Variants in WSCD1 observed in about 807,000 individuals in gnomAD.
WSCD1 encodes the protein sialate:O-sulfotransferase 1.
Under a neutral mutation model 60.4 loss-of-function variants are expected in WSCD1, and 41 were observed. That is an observed-to-expected ratio of 0.68 (90% CI 0.53 to 0.88). The LOEUF is 0.88. Ranked by LOEUF, WSCD1 falls within the 40% of genes least tolerant of loss-of-function variation. The pLI is 0.00. For missense variants in WSCD1, 784 were observed against 796.2 expected (o/e 0.98, Z 0.18); for synonymous variants, 361 against 332.5 (o/e 1.09, Z -0.93).
intron 7 of WSCD1, among the ~76,000 whole-genome samples, chr17:6,114,662 A>ATATATT (rs1247344397): frequency 6.6e-6 from 1 of 151,806 alleles, no homozygotes; most frequent in Non-Finnish European, 1.5e-5. Context: ...ATAATAATAA[A>ATATATT]TATATTTATA....
At chr17:6,108,538 A>T (rs1911231588) in intron 5 of WSCD1, among the ~76,000 whole-genome samples, 1 of 152,154 alleles carries the variant, frequency 6.6e-6, no homozygotes, top group South Asian at 2.1e-4. Flanking sequence ...TGAGCAAGAC[A>T]CAGCTGATGC....
At chr17:6,071,831 GTCTC>G (rs774560025) in intron 1 of WSCD1, among the ~76,000 whole-genome samples, 23 of 152,178 alleles carry the variant, frequency 1.5e-4, no homozygotes, top group Non-Finnish European at 2.8e-4. Flanking sequence ...AATGAGGTTT[GTCTC>G]TCTCAATCAT....
chr17:6,074,979 C>A (rs527481798), intron 1 of WSCD1, among the ~76,000 whole-genome samples: 1 of 152,246 alleles, frequency 6.6e-6, no homozygotes, highest in East Asian at 1.9e-4. Context: ...GGAGGGGAAT[C>A]CAGGAGCTGT....
intron 5 of WSCD1, among the ~76,000 whole-genome samples, chr17:6,104,179 G>T (rs1350216969): frequency 6.6e-6 from 1 of 152,138 alleles, no homozygotes; most frequent in Non-Finnish European, 1.5e-5. Flanking sequence ...TAAACAACCA[G>T]CTGTCCGTGA....
intron 5 of WSCD1, among the ~76,000 whole-genome samples, chr17:6,097,084 G>C (rs1453791973): frequency 6.6e-6 from 1 of 152,238 alleles, no homozygotes; most frequent in Non-Finnish European, 1.5e-5. Flanking sequence ...TCCTGCTCCT[G>C]ATGCCACACA....
At chr17:6,120,208 G>A in intron 8 of WSCD1, 101 bp from the exon 9 acceptor site, 1 of 1,300,370 alleles carries the variant, frequency 7.7e-7, no homozygotes, top group South Asian at 1.4e-5. Context: ...AGTGGACAGT[G>A]GAAAACCCTG....
intron 4 of WSCD1, among the ~76,000 whole-genome samples, chr17:6,091,885 G>A (rs541610086): frequency 3.9e-5 from 6 of 152,162 alleles, no homozygotes; most frequent in East Asian, 3.9e-4. Context: ...AGCCGGGCGC[G>A]GTGGCTCACG....
chr17:6,088,003 A>C lies in WSCD1; in HGVS notation c.441A>C (p.Gly147=). The C allele has an allele frequency of 6.2e-7, 1 of 1,613,902 alleles. No individual in the cohort carries two copies. The highest frequency in any genetic ancestry group is 8.5e-7 in the Non-Finnish European group (1 of 1,179,824). ...CCCTTTCTGCAGGCACCTACATTGGATGCTTCAGTGACGATGGCCACGAGA... is the reference window on the plus strand; with the variant it reads ...CCCTTTCTGCAGGCACCTACATTGGCTGCTTCAGTGACGATGGCCACGAGA... ...PAIHSRGTYI[G]CFSDDGHERT... Residue 147 remains glycine, a synonymous_variant, in exon 3 of 9, where the codon GGA becomes GGC. Transcript: ENST00000317744.
At chr17:6,095,052 C>A in intron 4 of WSCD1, 50 bp from the exon 5 acceptor site, 3 of 1,571,456 alleles carry the variant, frequency 1.9e-6, no homozygotes, top group Middle Eastern at 1.7e-4. Flanking sequence ...GTGACAGGCA[C>A]CAACAACTGG....
chr17:6,097,617 G>A (rs202243919), intron 5 of WSCD1, among the ~76,000 whole-genome samples: 2 of 152,162 alleles, frequency 1.3e-5, no homozygotes, highest in Non-Finnish European at 2.9e-5. Context: ...TTAGCATTTC[G>A]CCTATTTCCA....
At chr17:6,073,009 T>C (rs1429853894) in intron 1 of WSCD1, among the ~76,000 whole-genome samples, 1 of 152,220 alleles carries the variant, frequency 6.6e-6, no homozygotes, top group East Asian at 1.9e-4. Context: ...CTTCCTTTGC[T>C]GCCGGAAGCC....
intron 7 of WSCD1, 120 bp downstream of exon 7, chr17:6,111,055 T>C (rs1911380595): frequency 7.8e-7 from 1 of 1,285,454 alleles, no homozygotes; most frequent in Non-Finnish European, 1.0e-6. Context: ...TACATAAGAG[T>C]CACCTGTGGG....
intron 5 of WSCD1, among the ~76,000 whole-genome samples, chr17:6,100,210 G>A (rs1056582031): frequency 1.3e-5 from 2 of 152,216 alleles, no homozygotes; most frequent in Non-Finnish European, 2.9e-5. Context: ...GGAGGAGGAT[G>A]AGGCATGGAT....
chr17:6,073,827 A>G (rs1908690305), intron 1 of WSCD1, among the ~76,000 whole-genome samples: 1 of 152,194 alleles, frequency 6.6e-6, no homozygotes, highest in South Asian at 2.1e-4. Context: ...TTGGTATTGC[A>G]CACATGAAGA....
intron 5 of WSCD1, among the ~76,000 whole-genome samples, chr17:6,108,444 G>C (rs1424418065): frequency 1.3e-5 from 2 of 152,118 alleles, no homozygotes; most frequent in African/African-American, 4.8e-5. Context: ...AGGATGCAGA[G>C]AAGGAAGAGA....
Position 6,090,361 on chromosome 17 carries a change from T to C in WSCD1, c.583T>C (p.Tyr195His). Residue 195 changes from tyrosine to histidine, a missense_variant, in exon 4 of 9, where the codon TAC becomes CAC. Tyr to His is a moderately conservative substitution (Grantham distance 83, BLOSUM62 2). Transcript: ENST00000317744. ...CGGCTTGGAGGCCGGGGCGGAGTGT[T>C]ACTGCGGGAACCGGCTGCCAGCGGT... is the stretch of plus-strand genomic sequence containing the variant. ...YAGLEAGAEC[Y>H]CGNRLPAVSV... 1.2e-6 allele frequency: 2 copies of C among 1,609,044 alleles called. No homozygotes were observed. The highest frequency in any genetic ancestry group is 1.7e-6 in the Non-Finnish European group (2 of 1,177,938).
Position 6,121,059 on chromosome 17 carries a change from G to A in WSCD1, c.*398G>A, listed in dbSNP as rs1025269436. ...GGCTGTCTCTCTCACACAGATACAC[G>A]TGCGCTCCCTGGGATCCGGGAGGCC... On this transcript the variant is annotated 3_prime_UTR_variant, in exon 9 of 9. Transcript: ENST00000317744. 14 of 209,040 alleles carry A rather than the reference G, an allele frequency of 6.7e-5. No homozygotes were observed. Among genetic ancestry groups the A allele is most frequent in the East Asian group, 1.3e-4 (1 of 7,770 alleles). The allele number at this position is 209,040 out of a possible 1,614,324, so 12.9% of individuals were successfully genotyped here.
rs751768684 is a variant in WSCD1, at chr17:6,088,081, C to T, written c.519C>T (p.His173=). 8 of 1,614,082 alleles carry T rather than the reference C, an allele frequency of 5.0e-6. No homozygotes were observed. The highest frequency in any genetic ancestry group is 6.8e-6 in the Non-Finnish European group (8 of 1,180,042). The part of the protein sequence containing the change: ...FYDLRKMTVS[H]CQDACAERSY... ...ACTTGAGAAAGATGACTGTCTCCCA[C>T]TGCCAGGATGCGTGTGCTGAGCGGT... Residue 173 remains histidine, a synonymous_variant, in exon 3 of 9, where the codon CAC becomes CAT. Transcript: ENST00000317744.
At chr17:6,072,777 C>G (rs1908622243) in intron 1 of WSCD1, among the ~76,000 whole-genome samples, 2 of 152,186 alleles carry the variant, frequency 1.3e-5, no homozygotes, top group Non-Finnish European at 2.9e-5. Flanking sequence ...CCTTTAATCT[C>G]TCCTCATCAT....
Sources: gnomAD v4.1 joint callset for allele counts (sites outside exome capture counted in the v4.1 genomes callset) on GRCh38, gnomAD v4.1.1 for gene constraint, MANE v1.5 for transcripts, NCBI Gene and HGNC (gene_info 2026-07-23, HGNC 2026-07-21) for gene names.